Variants in CSGALNACT1 observed in about 807,000 individuals in gnomAD.
CSGALNACT1 encodes the protein chondroitin sulfate N-acetylgalactosaminyltransferase 1.
In CSGALNACT1, 52 loss-of-function variants were observed where a neutral mutation model predicts 51.0. That is an observed-to-expected ratio of 1.02 (90% confidence interval 0.82 to 1.29). The LOEUF is 1.29. CSGALNACT1 is among the 50% of genes most tolerant of loss of function. The probability of loss-of-function intolerance (pLI) is 0.00; values close to 1 mark genes in which losing one functional copy is unlikely to be tolerated. For missense variants in CSGALNACT1, 935 were observed against 679.2 expected (o/e 1.38, Z -4.19); for synonymous variants, 341 against 254.4 (o/e 1.34, Z -3.24).
chr8:19,530,806 T>G (rs996373486), intron 3 of CSGALNACT1, among the ~76,000 whole-genome samples: 1 of 152,206 alleles, frequency 6.6e-6, no homozygotes, highest in African/African-American at 2.4e-5. Context: ...ACAGACTTTC[T>G]AATGAGAAAG....
chr8:19,757,280 C>T lies in CSGALNACT1; in HGVS notation c.-297+570G>A, dbSNP rs1302659928. On this transcript the variant is annotated intron_variant, in intron 1 of 1. Transcript: ENST00000517494. This position sits in a 1 kb window ranked among gnomAD's most constrained non-coding sequence, Gnocchi z 4.0. ...GCGGCCGCCGCGGACTCGGCTCCAC[C>T]TCCCGCTCCGGCAGCCGCGGAGCCT... The T allele has an allele frequency of 6.6e-6, 1 of 150,414 alleles. No homozygotes were observed. Among genetic ancestry groups the T allele is most frequent in the Non-Finnish European group, 1.5e-5 (1 of 67,102 alleles). The allele number at this position is 150,414 out of a possible 1,614,324, so 9.3% of individuals were successfully genotyped here.
At chr8:19,412,707 C>A (rs1345794901) in intron 8 of CSGALNACT1, among the ~76,000 whole-genome samples, 2 of 152,262 alleles carry the variant, frequency 1.3e-5, no homozygotes, top group East Asian at 3.9e-4. Context: ...ATTTGTAATA[C>A]CTTTTGATCA....
intron 3 of CSGALNACT1, among the ~76,000 whole-genome samples, chr8:19,590,640 CTTTTTTTT>C (rs34859554): frequency 2.9e-5 from 2 of 68,970 alleles, no homozygotes; most frequent in African/African-American, 1.1e-4. Flanking sequence ...GACCTAACTA[CTTTTTTTT>C]TTTTTTTTTT....
chr8:19,521,041 C>A (rs950297683), intron 3 of CSGALNACT1, among the ~76,000 whole-genome samples: 8 of 152,120 alleles, frequency 5.3e-5, no homozygotes, highest in African/African-American at 1.7e-4. Flanking sequence ...ACACACCGTC[C>A]TGGAGCGTAA....
intron 1 of CSGALNACT1, among the ~76,000 whole-genome samples, chr8:19,747,140 T>C (rs949178417): frequency 3.3e-5 from 5 of 152,154 alleles, no homozygotes; most frequent in African/African-American, 1.2e-4. Context: ...TTACCCTCTG[T>C]GCACCAGTAA....
At chr8:19,501,352 C>T (rs1201980098) in intron 4 of CSGALNACT1, among the ~76,000 whole-genome samples, 5 of 151,974 alleles carry the variant, frequency 3.3e-5, no homozygotes, top group Non-Finnish European at 5.9e-5. Context: ...GAGGAGCCCT[C>T]ATGGCCTAAT....
chr8:19,577,401 CAA>C (rs111734132), intron 3 of CSGALNACT1, among the ~76,000 whole-genome samples: 7 of 104,198 alleles, frequency 6.7e-5, no homozygotes, highest in Admixed American at 9.6e-5. Flanking sequence ...CCCACCTCTA[CAA>C]AAAAAAAAAA....
chr8:19,533,899 T>G (rs11996150), intron 3 of CSGALNACT1, among the ~76,000 whole-genome samples: 17,881 of 152,036 alleles, frequency 0.12, 1,189 homozygotes, highest in African/African-American at 0.18. Flanking sequence ...TTTAAAACCA[T>G]GAGGGGAAGA....
chr8:19,692,242 A>C (rs2061369274), intron 1 of CSGALNACT1, among the ~76,000 whole-genome samples: 1 of 152,174 alleles, frequency 6.6e-6, no homozygotes, highest in Non-Finnish European at 1.5e-5. Flanking sequence ...GACACAGCCA[A>C]ACCATATCAC....
chr8:19,704,037 T>C (rs2062025258), intron 1 of CSGALNACT1, among the ~76,000 whole-genome samples: 1 of 152,178 alleles, frequency 6.6e-6, no homozygotes, highest in African/African-American at 2.4e-5. Flanking sequence ...CACACTACAC[T>C]GCACATGGGA....
intron 4 of CSGALNACT1, among the ~76,000 whole-genome samples, chr8:19,502,881 G>C (rs962271070): frequency 1.6e-4 from 25 of 152,154 alleles, no homozygotes; most frequent in African/African-American, 6.0e-4. Flanking sequence ...TCTGAAGCTA[G>C]GATCATCATT....
At chr8:19,419,128 G>A (rs1211285937) in intron 7 of CSGALNACT1, among the ~76,000 whole-genome samples, 1 of 152,158 alleles carries the variant, frequency 6.6e-6, no homozygotes, top group African/African-American at 2.4e-5. Flanking sequence ...TTACAGGCAT[G>A]AGCCACTGCG....
At chr8:19,446,519 T>C (rs1049461363) in intron 5 of CSGALNACT1, among the ~76,000 whole-genome samples, 6 of 152,098 alleles carry the variant, frequency 3.9e-5, no homozygotes, top group African/African-American at 1.4e-4. Flanking sequence ...ATTCATTCAT[T>C]CATTCACTCA....
Position 19,608,694 on chromosome 8 carries a change from T to C in CSGALNACT1, c.-543-6829A>G, listed in dbSNP as rs558080171. 1.4e-4 allele frequency among the ~76,000 whole-genome samples: 21 copies of C among 152,288 alleles called. No individual in the cohort carries two copies. In the South Asian group the frequency reaches 3.5e-3, roughly 26 times the overall value. On this transcript the variant is annotated intron_variant, in intron 1 of 9. Transcript: ENST00000332246. ...GTAAAGTTTGTTTTCTCTGGCTTCT[T>C]TACAATTCCCTCTGGCTAAATTCTA...
chr8:19,619,860 A>G (rs1396112638), intron 1 of CSGALNACT1, among the ~76,000 whole-genome samples: 1 of 152,212 alleles, frequency 6.6e-6, no homozygotes, highest in African/African-American at 2.4e-5. Flanking sequence ...AAGAGGCAGT[A>G]TAATGCAGTG....
intron 1 of CSGALNACT1, among the ~76,000 whole-genome samples, chr8:19,655,561 C>CATATATAT (rs1564359836): frequency 0.044 from 5,727 of 130,808 alleles, 386 homozygotes; most frequent in African/African-American, 0.15. Context: ...CATATATATA[C>CATATATAT]ACACACACAC....
chr8:19,414,144 A>G (rs2056421840), intron 8 of CSGALNACT1, among the ~76,000 whole-genome samples: 1 of 152,172 alleles, frequency 6.6e-6, no homozygotes, highest in African/African-American at 2.4e-5. Context: ...AATGCTATAA[A>G]TCAGGTCTTT....
chr8:19,601,973 A>G (rs1000136033), intron 1 of CSGALNACT1, 108 bp from the exon 2 acceptor site: 2 of 417,662 alleles, frequency 4.8e-6, no homozygotes, highest in African/African-American at 4.1e-5. Context: ...ATAAAATACA[A>G]TGCATCTGAA....
intron 1 of CSGALNACT1, among the ~76,000 whole-genome samples, chr8:19,708,433 C>G (rs2062309001): frequency 6.6e-6 from 1 of 152,142 alleles, no homozygotes; most frequent in Non-Finnish European, 1.5e-5. Context: ...CACATGGGTT[C>G]CATTATGAGT....
Sources: allele counts gnomAD v4.1 joint callset (sites outside exome capture counted in the v4.1 genomes callset), GRCh38; gene constraint gnomAD v4.1.1; non-coding constraint Gnocchi (gnomAD v3.1); transcripts MANE v1.5; gene names NCBI Gene and HGNC (gene_info 2026-07-23, HGNC 2026-07-21).